The following ZFP90 variants were observed in gnomAD, a reference collection of about 807,000 sequenced individuals.
ZFP90 encodes the protein zinc finger protein 90 homolog.
Under a neutral mutation model 60.8 loss-of-function variants are expected in ZFP90, and 38 were observed. The ratio of observed to expected loss-of-function variants is 0.62; its 90% CI spans 0.48 to 0.82. The LOEUF is 0.82. ZFP90 is among the 40% of genes least tolerant of loss of function. The pLI, the probability that ZFP90 is intolerant of heterozygous loss-of-function variation, is 0.00. For synonymous variants in ZFP90, 287 were observed against 264.8 expected (o/e 1.08, Z -0.82); for missense variants, 711 against 759.1 (o/e 0.94, Z 0.74).
At chr16:68,570,540 A>G (rs560182804), downstream of ZFP90, among the ~76,000 whole-genome samples, 9 of 152,360 alleles carry the variant, frequency 5.9e-5, no homozygotes, top group Non-Finnish European at 1.3e-4. Context: ...ATTGTCATGG[A>G]AAGGGGTGGT....
rs1364130848 is a variant in ZFP90, at chr16:68,539,778, C to T, written c.-15C>T. 1.3e-6 allele frequency: 2 copies of T among 1,590,978 alleles called. No homozygotes were observed. The highest frequency in any genetic ancestry group is 1.7e-6 in the Non-Finnish European group (2 of 1,170,030). ...CCCAGCTCCTGCCCCGGAGCCGGGC[C>T]CTGGCGAGGCAGGAATGGCCCCGAG... On this transcript the variant is annotated 5_prime_UTR_variant, in exon 2 of 5. Transcript: ENST00000563169.
chr16:68,551,964 G>A (rs1225892347), intron 2 of ZFP90, among the ~76,000 whole-genome samples: 1 of 148,546 alleles, frequency 6.7e-6, no homozygotes, highest in Non-Finnish European at 1.5e-5. Context: ...GTTTCACCGT[G>A]TTAGCCAGGA....
At position 68,558,079 on chromosome 16, in the gene ZFP90, T is replaced by C. The variant is rs1468647190; in HGVS notation, c.115T>C (p.Tyr39His). ...TGTCGACCCTGCTCAGAGGAGCTTA[T>C]ACAGGGATGTGATGCTGGAGAACTA... ...YHVDPAQRSL[Y>H]RDVMLENYSH... Residue 39 changes from tyrosine (Y) to histidine (H), a missense_variant, in exon 3 of 5, where the codon TAC (tyrosine) becomes CAC (histidine). This residue lies in a region of ZFP90 where 241 missense variants were observed against 247.6 expected (regional missense o/e 0.97). Transcript: ENST00000563169. 6.2e-7 allele frequency: 1 copy of C among 1,613,974 alleles called. No homozygotes were observed. Among genetic ancestry groups the C allele is most frequent in the Admixed American group, 1.7e-5 (1 of 59,986 alleles).
chr16:68,575,316 C>A (rs2091588439), intron 2 of ZFP90, among the ~76,000 whole-genome samples: 1 of 152,114 alleles, frequency 6.6e-6, no homozygotes, highest in African/African-American at 2.4e-5. Flanking sequence ...TTGACAGTTG[C>A]CAAGTTCTTG....
Position 68,563,156 on chromosome 16 carries a change from T to G in ZFP90, c.369T>G (p.Val123=), listed in dbSNP as rs1337039754. 1 of 1,614,180 alleles carries G rather than the reference T, an allele frequency of 6.2e-7. No homozygotes were observed. Among genetic ancestry groups the G allele is most frequent in the Non-Finnish European group, 8.5e-7 (1 of 1,180,024 alleles). ...CTACATTAGAAGACTCCTGGGATGT[T>G]AGCAGCCAGTTAGACAGGCAACAGG... The part of the protein sequence containing the change: ...LHATLEDSWD[V]SSQLDRQQEN... The change falls in exon 5 of 5, where the codon GTT becomes GTG. Residue 123 remains valine, a synonymous_variant. Transcript: ENST00000563169.
chr16:68,564,524 G>A lies in ZFP90; in HGVS notation c.1737G>A (p.Lys579=), dbSNP rs769508699. Residue 579 remains lysine (K), a synonymous_variant, in exon 5 of 5, where the codon AAG becomes AAA. Transcript: ENST00000563169. ...IQHERTHTGE[K]PYECNECGRA... ...ATGAGAGAACTCATACTGGAGAGAA[G>A]CCCTATGAATGTAATGAATGTGGGA... 9.9e-6 allele frequency: 16 copies of A among 1,613,814 alleles called. No individual in the cohort carries two copies. Among genetic ancestry groups the A allele is most frequent in the Non-Finnish European group, 1.3e-5 (15 of 1,179,920 alleles).
At chr16:68,557,394 C>A in intron 2 of ZFP90, 1 of 397,030 alleles carries the variant, frequency 2.5e-6, no homozygotes, top group South Asian at 1.8e-5. Flanking sequence ...CTGTGGAGTA[C>A]TATGAAGCAG....
At chr16:68,548,424 T>G (rs966901417) in intron 2 of ZFP90, among the ~76,000 whole-genome samples, 4 of 148,060 alleles carry the variant, frequency 2.7e-5, no homozygotes, top group African/African-American at 1.0e-4. Flanking sequence ...TAAGATTTTT[T>G]GCATTTCTTA....
chr16:68,557,972 A>C, intron 2 of ZFP90, 26 bp from the exon 3 acceptor site: 2 of 1,613,120 alleles, frequency 1.2e-6, no homozygotes, highest in Non-Finnish European at 1.7e-6. Context: ...GTTGATCCCC[A>C]GTTGAACAGG....
chr16:68,560,082 TTC>T (rs1471408654), intron 4 of ZFP90, among the ~76,000 whole-genome samples: 2 of 152,238 alleles, frequency 1.3e-5, no homozygotes, highest in Non-Finnish European at 2.9e-5. Flanking sequence ...ACTCTGTTTT[TTC>T]TTTTTATAAA....
chr16:68,536,432 C>A (rs2090960989), upstream of ZFP90, among the ~76,000 whole-genome samples: 1 of 152,010 alleles, frequency 6.6e-6, no homozygotes, highest in African/African-American at 2.4e-5. Flanking sequence ...TCAGCCTCCC[C>A]AGTAGTTGGG....
At chr16:68,537,097 C>G (rs1030658424), upstream of ZFP90, among the ~76,000 whole-genome samples, 2 of 150,916 alleles carry the variant, frequency 1.3e-5, no homozygotes, top group African/African-American at 4.9e-5. Context: ...TTCTTTTCCC[C>G]TTATGCACCT....
chr16:68,561,837 A>C (rs2091443276), intron 4 of ZFP90, among the ~76,000 whole-genome samples: 1 of 152,034 alleles, frequency 6.6e-6, no homozygotes, highest in African/African-American at 2.4e-5. Flanking sequence ...CAGGGTAAGG[A>C]GTTTGGGGAT....
intron 2 of ZFP90, among the ~76,000 whole-genome samples, chr16:68,550,311 G>A (rs1026687109): frequency 1.3e-5 from 2 of 152,142 alleles, no homozygotes; most frequent in African/African-American, 4.8e-5. Context: ...CCAGGCTGGA[G>A]TGTAGTGGCG....
chr16:68,564,063 A>G lies in ZFP90; in HGVS notation c.1276A>G (p.Asn426Asp). 6.2e-7 allele frequency: 1 copy of G among 1,614,146 alleles called. No homozygotes were observed. The highest frequency in any genetic ancestry group is 8.5e-7 in the Non-Finnish European group (1 of 1,180,016). Residue 426 changes from asparagine to aspartate, a missense_variant, in exon 5 of 5, where the codon AAC becomes GAC. This residue lies in a region of ZFP90 where 295 missense variants were observed against 274.0 expected (regional missense o/e 1.08). Coordinates refer to ENST00000563169, the MANE Select transcript of ZFP90 (RefSeq NM_001305203.2). ...GAGAGGCAAACCTTACCAAAGCAGT[A>G]ACTACAGCATAGATTTCAAGCACAG... is the stretch of plus-strand genomic sequence containing the variant. ...HKRGKPYQSSNYSIDFKHSTS... is the reference protein window; with the variant it reads ...HKRGKPYQSSDYSIDFKHSTS...
chr16:68,564,439 A>G lies in ZFP90; in HGVS notation c.1652A>G (p.Lys551Arg). 3 of 1,614,106 alleles carry G rather than the reference A, an allele frequency of 1.9e-6. No individual in the cohort carries two copies. Among genetic ancestry groups the G allele is most frequent in the South Asian group, 1.1e-5 (1 of 91,072 alleles). ...TQHERTHTGE[K>R]PYECIDCGKA... ...CATGAGAGAACCCACACTGGAGAGA[A>G]ACCCTATGAATGTATTGACTGTGGG... The change falls in exon 5 of 5, where the codon AAA becomes AGA. Residue 551 changes from lysine to arginine, a missense_variant. Lys to Arg is a conservative substitution (Grantham distance 26). Around this residue, in one of 5 missense-constraint regions of ZFP90, gnomAD observed 295 missense variants for 274.0 expected, o/e 1.08. Transcript: ENST00000563169.
intron 2 of ZFP90, among the ~76,000 whole-genome samples, 196 bp from the exon 3 acceptor site, chr16:68,557,802 C>T (rs1438619859): frequency 1.4e-5 from 2 of 147,856 alleles, no homozygotes; most frequent in Non-Finnish European, 3.0e-5. Context: ...CAAATTGCCC[C>T]TCATAACTTT....
chr16:68,558,385 G>C (rs2091381532), intron 3 of ZFP90, 88 bp from the exon 4 acceptor site: 1 of 1,282,936 alleles, frequency 7.8e-7, no homozygotes, highest in Admixed American at 1.8e-5. Context: ...AGTTCCTGAG[G>C]ATCAAGGACT....
In ZFP90 at chr16:68,565,783, A is replaced by G. The variant is rs1457854642; in HGVS notation, c.*1085A>G. 8 of 985,422 alleles carry G rather than the reference A, an allele frequency of 8.1e-6. No homozygotes were observed. The highest frequency in any genetic ancestry group is 9.6e-6 in the Non-Finnish European group (8 of 829,934). 61.0% of individuals were successfully genotyped at this position (985,422 alleles called of 1,614,324 possible). A position where few individuals can be genotyped will look rare whatever the true frequency, so the allele number is the denominator to read the frequency against. The stretch of plus-strand genomic sequence containing the variant: ...AATTTTGCCTTGTACTCAGAGAAGC[A>G]ACATGCACTGGCTCATTTTATGTGC... On this transcript the variant is annotated 3_prime_UTR_variant, in exon 5 of 5. Transcript: ENST00000563169.
Sources: gnomAD v4.1 joint callset for allele counts (sites outside exome capture counted in the v4.1 genomes callset) on GRCh38, gnomAD v4.1.1 for gene constraint, gnomAD v4.1.1 regional missense constraint, MANE v1.5 for transcripts, NCBI Gene and HGNC (gene_info 2026-07-23, HGNC 2026-07-21) for gene names.